COL27A1: variants seen among roughly 807,000 people sequenced by gnomAD.
The protein encoded by COL27A1 is collagen alpha-1(XXVII) chain.
COL27A1 carries 106 observed loss-of-function variants against 251.3 expected under a neutral mutation model. That is an observed-to-expected ratio of 0.42 (90% CI 0.36 to 0.50). The LOEUF (loss-of-function observed/expected upper bound fraction) is 0.50, where lower values mean the gene tolerates loss of function less well. Ranked by LOEUF, COL27A1 falls within the 20% of genes least tolerant of loss-of-function variation. COL27A1 has a pLI of 0.00. For missense variants in COL27A1, 2,325 were observed against 2,522.8 expected (o/e 0.92, Z 1.68); for synonymous variants, 1,000 against 986.3 (o/e 1.01, Z -0.26).
At chr9:114,301,812 A>T in intron 55 of COL27A1, 95 bp downstream of exon 55, 1 of 1,242,088 alleles carries the variant, frequency 8.1e-7, no homozygotes, top group South Asian at 1.4e-5. Context: ...TTGACCCTGA[A>T]CCCCACAGGG....
At position 114,301,630 on chromosome 9, in the gene COL27A1, G is replaced by A; in HGVS notation, c.4810-52G>A. Reference sequence around the variant, plus strand: ...GCTTGAGGAGGGACTGGGTTGGGGAGAGATGAAGACCCTGTGGACCAGGGC... The same window carrying A: ...GCTTGAGGAGGGACTGGGTTGGGGAAAGATGAAGACCCTGTGGACCAGGGC... On this transcript the variant is annotated intron_variant, in intron 54 of 60. Transcript: ENST00000356083. 4 of 1,561,156 alleles carry A rather than the reference G, an allele frequency of 2.6e-6. No homozygotes were observed. The Admixed American group carries it at 7.4e-5, about 29-fold the overall frequency.
At chr9:114,182,077 G>A (rs1827962681) in intron 4 of COL27A1, among the ~76,000 whole-genome samples, 1 of 152,036 alleles carries the variant, frequency 6.6e-6, no homozygotes, top group South Asian at 2.1e-4. Flanking sequence ...CGTGGCTCAC[G>A]CCTGTAATCC....
At chr9:114,265,199 C>T in intron 31 of COL27A1, 89 bp downstream of exon 31, 1 of 1,250,678 alleles carries the variant, frequency 8.0e-7, no homozygotes, top group South Asian at 1.3e-5. Context: ...CCACTTTTAC[C>T]AAGTTCCTGT....
At chr9:114,202,015 T>A (rs1241921888) in intron 7 of COL27A1, among the ~76,000 whole-genome samples, 1 of 152,270 alleles carries the variant, frequency 6.6e-6, no homozygotes, top group East Asian at 1.9e-4. Flanking sequence ...CTGGCAAATG[T>A]GTATGGTAAT....
rs1360250441 is a variant in COL27A1 at position 114,231,683 on chromosome 9, T to C, written c.2521-139T>C. On this transcript the variant is annotated intron_variant, in intron 15 of 60. Transcript: ENST00000356083. Reference sequence around the variant, plus strand: ...CCCTTGCCCTGTGAGATTGGAGTCATTTGCCCCCTTTTACAGATGTGAACA... The same window carrying C: ...CCCTTGCCCTGTGAGATTGGAGTCACTTGCCCCCTTTTACAGATGTGAACA... The C allele has an allele frequency of 6.1e-6, 5 of 822,456 alleles. No homozygotes were observed. The East Asian group carries it at 1.2e-4, about 20-fold the overall frequency. The allele number at this position is 822,456 out of a possible 1,614,324, so 50.9% of individuals were successfully genotyped here.
chr9:114,206,960 TA>T (rs1830009232), intron 10 of COL27A1, among the ~76,000 whole-genome samples: 1 of 152,056 alleles, frequency 6.6e-6, no homozygotes, highest in African/African-American at 2.4e-5. Context: ...CCGAATGGGG[TA>T]AATGGAGTTG....
intron 7 of COL27A1, among the ~76,000 whole-genome samples, chr9:114,198,822 C>T (rs546015395): frequency 2.6e-5 from 4 of 152,262 alleles, no homozygotes; most frequent in South Asian, 2.1e-4. Flanking sequence ...ATGGAATCCC[C>T]GCTCTGTCCC....
intron 37 of COL27A1, among the ~76,000 whole-genome samples, chr9:114,280,041 T>C (rs1249646833): frequency 6.6e-6 from 1 of 152,148 alleles, no homozygotes; most frequent in Admixed American, 6.5e-5. Flanking sequence ...TGAATTTTCA[T>C]TGGAAATACC....
At position 114,300,288 on chromosome 9, in the gene COL27A1, G is replaced by T. The variant is rs990241174; in HGVS notation, c.4638+165G>T. ...TCCCCCAGTACTCCAGAAGATCTAGGTTCCAAGCCCAGCTACACAATTACC... is the reference window on the plus strand; with the variant it reads ...TCCCCCAGTACTCCAGAAGATCTAGTTTCCAAGCCCAGCTACACAATTACC... On this transcript the variant is annotated intron_variant, in intron 50 of 60. Coordinates refer to ENST00000356083, the MANE Select transcript of COL27A1 (RefSeq NM_032888.4). The T allele has an allele frequency of 2.3e-5, 16 of 685,672 alleles. 1 individual carries two copies. The highest frequency in any genetic ancestry group is 1.6e-4 in the African/African-American group (9 of 55,632). The allele number at this position is 685,672 out of a possible 1,614,324, so 42.5% of individuals were successfully genotyped here.
intron 10 of COL27A1, among the ~76,000 whole-genome samples, chr9:114,209,017 A>G (rs1365868795): frequency 6.6e-6 from 1 of 152,084 alleles, no homozygotes; most frequent in African/African-American, 2.4e-5. Flanking sequence ...TGACCCTTGA[A>G]CTGATTAGGA....
intron 29 of COL27A1, 88 bp downstream of exon 29, chr9:114,264,496 C>A: frequency 9.3e-7 from 1 of 1,070,834 alleles, no homozygotes; most frequent in East Asian, 2.8e-5. Flanking sequence ...CAGAACAATG[C>A]CCCTTAGGGA....
At chr9:114,174,342 A>G (rs1849537147) in intron 3 of COL27A1, among the ~76,000 whole-genome samples, 1 of 152,124 alleles carries the variant, frequency 6.6e-6, no homozygotes, top group Admixed American at 6.5e-5. Context: ...AATTGTTACC[A>G]CACCCAGACC....
intron 3 of COL27A1, among the ~76,000 whole-genome samples, chr9:114,176,012 G>C (rs1827408803): frequency 6.6e-6 from 1 of 152,194 alleles, no homozygotes; most frequent in Admixed American, 6.5e-5. Context: ...CATATACCTA[G>C]TTAGAGTCAC....
intron 57 of COL27A1, 22 bp downstream of exon 57, chr9:114,304,695 A>T (rs998643988): frequency 6.2e-7 from 1 of 1,609,046 alleles, no homozygotes; most frequent in Non-Finnish European, 8.5e-7. Context: ...GGCTCTCCCC[A>T]TGTGGGATCC....
intron 27 of COL27A1, among the ~76,000 whole-genome samples, chr9:114,254,673 C>G (rs1833807165): frequency 6.6e-6 from 1 of 152,146 alleles, no homozygotes; most frequent in Admixed American, 6.5e-5. Flanking sequence ...GGCCCTGAAG[C>G]CTTTCATGGT....
intron 22 of COL27A1, among the ~76,000 whole-genome samples, chr9:114,243,284 A>G (rs1201795834): frequency 2.6e-5 from 4 of 152,108 alleles, no homozygotes; most frequent in Non-Finnish European, 5.9e-5. Context: ...AAGAAGACCA[A>G]CCCAGGGATG....
intron 5 of COL27A1, among the ~76,000 whole-genome samples, chr9:114,185,631 G>A (rs183985580): frequency 1.1e-3 from 162 of 152,366 alleles, no homozygotes; most frequent in African/African-American, 3.7e-3. Flanking sequence ...TGGGATGGGA[G>A]GTGACCTGGT....
intron 25 of COL27A1, 116 bp downstream of exon 25, chr9:114,250,784 C>A: frequency 1.2e-6 from 1 of 857,732 alleles, no homozygotes; most frequent in Non-Finnish European, 1.9e-6. Context: ...AGCCTCTCTC[C>A]TGACCTGGCA....
intron 57 of COL27A1, among the ~76,000 whole-genome samples, chr9:114,304,944 A>G (rs936095985): frequency 6.6e-6 from 1 of 152,214 alleles, no homozygotes; most frequent in Non-Finnish European, 1.5e-5. Flanking sequence ...AGAGTCTCCA[A>G]GCTCTTGCTG....
Sources: gnomAD v4.1 joint callset for allele counts (sites outside exome capture counted in the v4.1 genomes callset) on GRCh38, gnomAD v4.1.1 for gene constraint, MANE v1.5 for transcripts, NCBI Gene and HGNC (gene_info 2026-07-23, HGNC 2026-07-21) for gene names.